The following OXR1 variants were observed in gnomAD, a reference collection of about 807,000 sequenced individuals.
The protein encoded by OXR1 is oxidation resistance protein 1.
Under a neutral mutation model 104.6 loss-of-function variants are expected in OXR1, and 41 were observed. The ratio of observed to expected loss-of-function variants is 0.39; its 90% CI spans 0.31 to 0.51. The LOEUF is 0.51. Among genes scored for constraint, OXR1 ranks in the 20% least tolerant of loss-of-function variants. OXR1 has a pLI of 0.77. For synonymous variants in OXR1, 348 were observed against 348.4 expected (o/e 1.00, Z 0.01); for missense variants, 955 against 1,031.9 (o/e 0.93, Z 1.02).
intron 3 of OXR1, among the ~76,000 whole-genome samples, chr8:106,576,186 G>A (rs1410155495): frequency 6.6e-6 from 1 of 151,864 alleles, no homozygotes; most frequent in East Asian, 1.9e-4. Context: ...AAGAGGGAAA[G>A]CTGGATATAA....
intron 3 of OXR1, among the ~76,000 whole-genome samples, chr8:106,577,378 CTTTTTTTT>C (rs5893798): frequency 1.6e-4 from 7 of 43,576 alleles, no homozygotes; most frequent in African/African-American, 5.8e-4. Flanking sequence ...GCCCAGCTAA[CTTTTTTTT>C]TTTTTTTTTT....
intron 6 of OXR1, among the ~76,000 whole-genome samples, chr8:106,689,762 C>G (rs1156975460): frequency 6.6e-6 from 1 of 151,788 alleles, no homozygotes; most frequent in African/African-American, 2.4e-5. Context: ...TTTTTAAAAA[C>G]GTCTCTTTTT....
chr8:106,440,004 T>C (rs1163578003), intron 2 of OXR1, among the ~76,000 whole-genome samples: 3 of 152,068 alleles, frequency 2.0e-5, no homozygotes, highest in African/African-American at 4.8e-5. Context: ...GTGGCTGATA[T>C]TCGGAGGCAT....
chr8:106,512,992 G>C (rs1036238716), intron 2 of OXR1, among the ~76,000 whole-genome samples: 1 of 152,078 alleles, frequency 6.6e-6, no homozygotes, highest in Non-Finnish European at 1.5e-5. Context: ...CCTGGGCTTT[G>C]GGATGTACGT....
In OXR1 at chr8:106,751,914, C is replaced by T. The variant is rs952804712; in HGVS notation, c.*973C>T. The T allele has an allele frequency of 2.6e-5, 4 of 152,210 alleles. No individual in the cohort carries two copies. The highest frequency in any genetic ancestry group is 5.9e-5 in the Non-Finnish European group (4 of 67,914). The allele number at this position is 152,210 out of a possible 1,614,324, so 9.4% of individuals were successfully genotyped here. ...TTTGAGTGGTATATGTTATTAATTACCATTAGCATTTGCTCTTATAAAGGG... is the reference window on the plus strand; with the variant it reads ...TTTGAGTGGTATATGTTATTAATTATCATTAGCATTTGCTCTTATAAAGGG... On this transcript the variant is annotated 3_prime_UTR_variant, in exon 17 of 17. Coordinates refer to ENST00000517566, the MANE Select transcript of OXR1 (RefSeq NM_001198533.2).
chr8:106,588,202 G>T (rs1024465804), intron 3 of OXR1, among the ~76,000 whole-genome samples: 1 of 151,772 alleles, frequency 6.6e-6, no homozygotes, highest in South Asian at 2.1e-4. Flanking sequence ...CTCGTGATCC[G>T]CCCACCTCGG....
chr8:106,296,869 A>G (rs1036339561), intron 1 of OXR1, among the ~76,000 whole-genome samples: 2 of 152,222 alleles, frequency 1.3e-5, no homozygotes, highest in Non-Finnish European at 2.9e-5. Flanking sequence ...TTTTTGTCTT[A>G]TAATGGTCAT....
chr8:106,448,260 C>T (rs982608662), intron 2 of OXR1, among the ~76,000 whole-genome samples: 1 of 152,136 alleles, frequency 6.6e-6, no homozygotes, highest in Admixed American at 6.6e-5. Flanking sequence ...AACATAGGTA[C>T]TAAAGAAAGG....
At chr8:106,644,184 T>G (rs1468678547) in intron 3 of OXR1, among the ~76,000 whole-genome samples, 1 of 152,218 alleles carries the variant, frequency 6.6e-6, no homozygotes, top group Non-Finnish European at 1.5e-5. Context: ...CTTTTGTTGT[T>G]TGTTGGTTTT....
chr8:106,642,604 G>A (rs1037078832), intron 3 of OXR1, among the ~76,000 whole-genome samples: 1 of 152,152 alleles, frequency 6.6e-6, no homozygotes, highest in Non-Finnish European at 1.5e-5. Flanking sequence ...CCTTCCATTG[G>A]CTAAAAAATA....
intron 3 of OXR1, among the ~76,000 whole-genome samples, chr8:106,613,272 T>C (rs1820952460): frequency 6.6e-6 from 1 of 152,232 alleles, no homozygotes; most frequent in Non-Finnish European, 1.5e-5. Context: ...CTCAAACGTA[T>C]AGTTGCTCAT....
chr8:106,517,410 T>G (rs1812931125), intron 2 of OXR1, among the ~76,000 whole-genome samples: 1 of 152,218 alleles, frequency 6.6e-6, no homozygotes, highest in African/African-American at 2.4e-5. Flanking sequence ...CTACCATTGA[T>G]AGACATTTGA....
At chr8:106,718,091 G>C (rs575683115) in intron 11 of OXR1, among the ~76,000 whole-genome samples, 1 of 152,276 alleles carries the variant, frequency 6.6e-6, no homozygotes, top group South Asian at 2.1e-4. Flanking sequence ...TATTTACTGC[G>C]ATAGTGTGAA....
At chr8:106,275,476 C>G (rs999977794) in intron 1 of OXR1, among the ~76,000 whole-genome samples, 4 of 152,198 alleles carry the variant, frequency 2.6e-5, no homozygotes, top group Non-Finnish European at 5.9e-5. Context: ...AGCAAAGGCT[C>G]TAACCACACA....
chr8:106,559,653 A>G (rs1816535191), intron 3 of OXR1, among the ~76,000 whole-genome samples: 1 of 152,226 alleles, frequency 6.6e-6, no homozygotes, highest in South Asian at 2.1e-4. Context: ...TAGCACCAGC[A>G]GACTTGATAT....
At chr8:106,479,368 C>G (rs1325119474) in intron 2 of OXR1, among the ~76,000 whole-genome samples, 3 of 152,028 alleles carry the variant, frequency 2.0e-5, no homozygotes, top group Non-Finnish European at 4.4e-5. Context: ...ATTCAATTCC[C>G]ATTAACATAG....
At chr8:106,527,368 G>T (rs1813763967) in intron 3 of OXR1, among the ~76,000 whole-genome samples, 1 of 152,106 alleles carries the variant, frequency 6.6e-6, no homozygotes, top group Non-Finnish European at 1.5e-5. Context: ...GTCATCCCCT[G>T]TTTAAAACCC....
intron 11 of OXR1, among the ~76,000 whole-genome samples, chr8:106,717,595 A>C (rs1349470026): frequency 6.6e-6 from 1 of 152,162 alleles, no homozygotes; most frequent in Non-Finnish European, 1.5e-5. Flanking sequence ...TGGTAAACTT[A>C]TTGTTTGCTT....
intron 2 of OXR1, among the ~76,000 whole-genome samples, chr8:106,413,482 T>G (rs1384529320): frequency 1.3e-5 from 2 of 152,120 alleles, no homozygotes; most frequent in East Asian, 3.9e-4. Flanking sequence ...GAGGTAGTGA[T>G]TGCTAAACAT....
Sources: gnomAD v4.1 joint callset for allele counts (sites outside exome capture counted in the v4.1 genomes callset) on GRCh38, gnomAD v4.1.1 for gene constraint, MANE v1.5 for transcripts, NCBI Gene and HGNC (gene_info 2026-07-23, HGNC 2026-07-21) for gene names.